WEE2: variants seen among roughly 807,000 people sequenced by gnomAD.
The protein encoded by WEE2 is wee1-like protein kinase 2.
A neutral mutation model predicts 60.1 loss-of-function variants in WEE2; 50 were observed. That is an observed-to-expected ratio of 0.83 (90% CI 0.66 to 1.05). WEE2 has a LOEUF of 1.05. WEE2 is among the 50% of genes least tolerant of loss of function. The pLI is 0.00. For synonymous variants in WEE2, 240 were observed against 241.0 expected, an observed-to-expected ratio of 1.00 and a Z score of 0.04; for missense variants, 631 against 684.3, an observed-to-expected ratio of 0.92 and a Z score of 0.87.
intron 1 of WEE2, among the ~76,000 whole-genome samples, chr7:141,709,437 G>C (rs1217999863): frequency 1.3e-5 from 2 of 152,174 alleles, no homozygotes; most frequent in Non-Finnish European, 2.9e-5. Context: ...TTACATATGA[G>C]AAAATGAAGG....
intron 3 of WEE2, 100 bp from the exon 4 acceptor site, chr7:141,718,972 T>C (rs1798854875): frequency 8.4e-7 from 1 of 1,185,070 alleles, no homozygotes; most frequent in Non-Finnish European, 1.2e-6. Flanking sequence ...CAAAAGTCTT[T>C]TTGAAAACTT....
Position 141,714,052 on chromosome 7 carries a change from A to G in WEE2, c.343-157A>G, listed in dbSNP as rs893289177. 31 of 572,160 alleles carry G rather than the reference A, an allele frequency of 5.4e-5. No homozygotes were observed. The African/African-American group carries it at 5.5e-4, about 10-fold the overall frequency. The allele number at this position is 572,160 out of a possible 1,614,324, so 35.4% of individuals were successfully genotyped here. On this transcript the variant is annotated intron_variant, in intron 1 of 11. Transcript: ENST00000397541. ...AGACTGGGATTCTATAGTTTTCATA[A>G]GAGGAGCAGTTACAATGCAACCAGT...
At chr7:141,723,415 C>A in intron 6 of WEE2, 135 bp downstream of exon 6, 1 of 1,006,378 alleles carries the variant, frequency 9.9e-7, no homozygotes, top group Non-Finnish European at 1.4e-6. Context: ...ATTTGTGTTC[C>A]TTAAAAAAAA....
At chr7:141,717,917 A>G (rs896510151) in intron 3 of WEE2, among the ~76,000 whole-genome samples, 1 of 152,118 alleles carries the variant, frequency 6.6e-6, no homozygotes, top group Non-Finnish European at 1.5e-5. Flanking sequence ...AGTTGGTAGA[A>G]GGTCTTGAGG....
chr7:141,718,894 T>C (rs1798853568), intron 3 of WEE2, among the ~76,000 whole-genome samples, 178 bp from the exon 4 acceptor site: 1 of 152,136 alleles, frequency 6.6e-6, no homozygotes, highest in Non-Finnish European at 1.5e-5. Context: ...ACAAAGAAGA[T>C]AGTCAGCAAT....
chr7:141,723,326 C>G, intron 6 of WEE2, 46 bp downstream of exon 6: 1 of 1,592,184 alleles, frequency 6.3e-7, no homozygotes, highest in South Asian at 1.1e-5. Context: ...TTTGTTCTTT[C>G]TATGCTATCA....
In WEE2 at chr7:141,723,173, C is replaced by G. The variant is rs765086314; in HGVS notation, c.920C>G (p.Ser307Cys). ...GCTGCTATATCTGAAAACACTAAGT[C>G]TGGCAATCATTTTGAAGAGCCAAAA... ...LQAAISENTK[S>C]GNHFEEPKLK... Residue 307 changes from serine to cysteine, a missense_variant, in exon 6 of 12, where the codon TCT becomes TGT. Ser to Cys is a moderately radical substitution (Grantham distance 112). Coordinates refer to ENST00000397541, the MANE Select transcript of WEE2 (RefSeq NM_001105558.1). 11 of 1,614,200 alleles carry G rather than the reference C, an allele frequency of 6.8e-6. No homozygotes were observed. In the East Asian group the frequency reaches 2.5e-4, roughly 36 times the overall value.
chr7:141,728,515 CAT>C (rs1421923393), intron 10 of WEE2, among the ~76,000 whole-genome samples: 3 of 152,202 alleles, frequency 2.0e-5, no homozygotes, highest in Non-Finnish European at 4.4e-5. Context: ...ACTATACTTA[CAT>C]ATGTTATTCA....
At chr7:141,724,086 C>T (rs757353305) in intron 7 of WEE2, 38 bp downstream of exon 7, 2 of 1,575,198 alleles carry the variant, frequency 1.3e-6, no homozygotes, top group African/African-American at 2.7e-5. Context: ...TACCATTATC[C>T]TATAAAATTT....
At chr7:141,729,988 T>TAAAA (rs752330849) in intron 11 of WEE2, among the ~76,000 whole-genome samples, 3 of 99,294 alleles carry the variant, frequency 3.0e-5, no homozygotes, top group African/African-American at 7.4e-5. Context: ...ACTCTGTATC[T>TAAAA]AAAAAAAAAA....
rs1487963513 is a variant in WEE2 at position 141,730,968 on chromosome 7, C to A, written c.*648C>A. 6.6e-6 allele frequency: 1 copy of A among 151,858 alleles called. No homozygotes were observed. The highest frequency in any genetic ancestry group is 2.4e-5 in the African/African-American group (1 of 41,322). The allele number at this position is 151,858 out of a possible 1,614,324, so 9.4% of individuals were successfully genotyped here. A position where few individuals can be genotyped will look rare whatever the true frequency, so the allele number is the denominator to read the frequency against. ...AATATCCTTTGTAAAATGTAACTAA[C>A]AAAGAATGAGAAATTTATGTCGGAG... On this transcript the variant is annotated 3_prime_UTR_variant, in exon 12 of 12. Transcript: ENST00000397541.
At chr7:141,723,426 T>C (rs1367782219) in intron 6 of WEE2, 146 bp downstream of exon 6, 2 of 960,256 alleles carry the variant, frequency 2.1e-6, no homozygotes, top group African/African-American at 1.7e-5. Context: ...TTAAAAAAAA[T>C]CAGTTAAATA....
chr7:141,721,126 C>T, intron 5 of WEE2, 70 bp downstream of exon 5: 1 of 1,581,112 alleles, frequency 6.3e-7, no homozygotes, highest in South Asian at 1.1e-5. Context: ...AATAAACTTT[C>T]CCTCCTCCTC....
At chr7:141,718,773 G>C (rs10262864) in intron 3 of WEE2, among the ~76,000 whole-genome samples, 2 of 151,824 alleles carry the variant, frequency 1.3e-5, no homozygotes, top group African/African-American at 4.8e-5. Flanking sequence ...GTGAGAAGTT[G>C]TGTCCCCTTA....
chr7:141,712,112 T>C (rs1220239054), intron 1 of WEE2, among the ~76,000 whole-genome samples: 1 of 152,056 alleles, frequency 6.6e-6, no homozygotes, highest in Non-Finnish European at 1.5e-5. Context: ...ACTCATCATA[T>C]TGACTGGGCC....
At chr7:141,730,183 T>A in intron 11 of WEE2, 112 bp from the exon 12 acceptor site, 2 of 907,920 alleles carry the variant, frequency 2.2e-6, no homozygotes, top group Non-Finnish European at 3.3e-6. Flanking sequence ...TAAGGCTTTG[T>A]CTTCTCAAGG....
At chr7:141,716,766 T>G (rs1213208155) in intron 3 of WEE2, among the ~76,000 whole-genome samples, 1 of 152,044 alleles carries the variant, frequency 6.6e-6, no homozygotes, top group Non-Finnish European at 1.5e-5. Flanking sequence ...GAAGGGAAAA[T>G]TAAGATATTT....
At chr7:141,729,017 C>T (rs1799075261) in intron 10 of WEE2, among the ~76,000 whole-genome samples, 1 of 152,040 alleles carries the variant, frequency 6.6e-6, no homozygotes, top group South Asian at 2.1e-4. Context: ...TGGTCTAGAC[C>T]AAGTGTTGGA....
chr7:141,728,237 T>C (rs1179788419), intron 10 of WEE2: 2 of 152,210 alleles, frequency 1.3e-5, no homozygotes, highest in African/African-American at 4.8e-5. Flanking sequence ...TTATTACATA[T>C]ACTGTACACT....
Sources: allele counts gnomAD v4.1 joint callset (sites outside exome capture counted in the v4.1 genomes callset), GRCh38; gene constraint gnomAD v4.1.1; transcripts MANE v1.5; gene names NCBI Gene and HGNC (gene_info 2026-07-23, HGNC 2026-07-21).